The following ERC2 variants were observed in gnomAD, a reference collection of about 807,000 sequenced individuals.
ERC2 encodes ELKS/RAB6-interacting/CAST family member 2.
In ERC2, 42 loss-of-function variants were observed where a neutral mutation model predicts 114.8. The observed-to-expected ratio is 0.37, with a 90% confidence interval of 0.29 to 0.47. The LOEUF is 0.47. Among genes scored for constraint, ERC2 ranks in the 20% least tolerant of loss-of-function variants. The pLI, the probability that ERC2 is intolerant of heterozygous loss-of-function variation, is 0.99. For synonymous variants in ERC2, 454 were observed against 425.5 expected, an observed-to-expected ratio of 1.07 and a Z score of -0.82; for missense variants, 939 against 1,150.7, an observed-to-expected ratio of 0.82 and a Z score of 2.66.
intron 2 of ERC2, among the ~76,000 whole-genome samples, chr3:56,325,131 G>A (rs932696317): frequency 5.9e-5 from 9 of 151,848 alleles, no homozygotes; most frequent in African/African-American, 1.5e-4. Context: ...ATGAGGGCAG[G>A]GATTTGACTA....
intron 2 of ERC2, among the ~76,000 whole-genome samples, chr3:56,363,688 T>C (rs1485501880): frequency 6.6e-6 from 1 of 152,134 alleles, no homozygotes; most frequent in Non-Finnish European, 1.5e-5. Flanking sequence ...AAAGTCAAAT[T>C]GGGCAAAACT....
intron 3 of ERC2, among the ~76,000 whole-genome samples, chr3:56,203,969 C>A (rs2048555819): frequency 6.6e-6 from 1 of 151,884 alleles, no homozygotes; most frequent in Non-Finnish European, 1.5e-5. Flanking sequence ...ATCACGAGGT[C>A]AGGAGTTCAA....
At chr3:55,748,358 T>C (rs2066440318) in intron 14 of ERC2, among the ~76,000 whole-genome samples, 1 of 152,206 alleles carries the variant, frequency 6.6e-6, no homozygotes, top group South Asian at 2.1e-4. Context: ...ACATATTTAC[T>C]GAGTGACCAC....
intron 17 of ERC2, among the ~76,000 whole-genome samples, chr3:55,534,712 C>T (rs2053885869): frequency 6.6e-6 from 1 of 152,094 alleles, no homozygotes. Flanking sequence ...GGACCTAGTA[C>T]AGGACCTGGT....
At chr3:56,331,330 A>G (rs2057604360) in intron 2 of ERC2, among the ~76,000 whole-genome samples, 1 of 152,100 alleles carries the variant, frequency 6.6e-6, no homozygotes, top group Non-Finnish European at 1.5e-5. Context: ...AAGTCTCCTC[A>G]TAGTAATTTT....
intron 14 of ERC2, among the ~76,000 whole-genome samples, chr3:55,839,975 A>G (rs1487394684): frequency 6.6e-6 from 1 of 152,038 alleles, no homozygotes; most frequent in South Asian, 2.1e-4. Flanking sequence ...AGAAATAGGA[A>G]AAAAAGTAAA....
chr3:55,772,307 T>TAA (rs1367996023), intron 14 of ERC2, among the ~76,000 whole-genome samples: 1 of 151,608 alleles, frequency 6.6e-6, no homozygotes, highest in Non-Finnish European at 1.5e-5. Flanking sequence ...CACGCCTGGC[T>TAA]ACTTTTTGTA....
intron 7 of ERC2, among the ~76,000 whole-genome samples, chr3:56,031,546 C>T (rs2074380633): frequency 6.6e-6 from 1 of 152,220 alleles, no homozygotes; most frequent in Admixed American, 6.5e-5. Context: ...AAGGAGTCTA[C>T]TTCTTCAAAT....
At chr3:55,551,383 C>G (rs111232977) in intron 17 of ERC2, among the ~76,000 whole-genome samples, 12 of 151,858 alleles carry the variant, frequency 7.9e-5, no homozygotes, top group African/African-American at 2.7e-4. Context: ...ACTAGCCAGG[C>G]GTGGTTGTGG....
Position 55,950,578 on chromosome 3 carries a change from A to T in ERC2, c.2268-18T>A. On this transcript the variant is annotated intron_variant, in intron 12 of 17. Transcript: ENST00000288221. ...TCATATGCCTGAGAAAAGTCAGCAC[A>T]GCTTGGTTAAATTCTACCACTGGAA... is the stretch of plus-strand genomic sequence containing the variant. 1.9e-6 allele frequency: 3 copies of T among 1,613,728 alleles called. No individual in the cohort carries two copies. The highest frequency in any genetic ancestry group is 2.5e-6 in the Non-Finnish European group (3 of 1,179,788).
intron 17 of ERC2, among the ~76,000 whole-genome samples, chr3:55,551,530 C>A (rs1458431806): frequency 6.6e-6 from 1 of 151,752 alleles, no homozygotes; most frequent in African/African-American, 2.4e-5. Flanking sequence ...CTCAAAAAAA[C>A]AAAAAACAAA....
intron 15 of ERC2, among the ~76,000 whole-genome samples, chr3:55,726,413 C>T (rs1486970178): frequency 2.0e-5 from 3 of 152,220 alleles, no homozygotes; most frequent in Non-Finnish European, 2.9e-5. Context: ...GGAAGCACAA[C>T]CGTGGCTTCT....
intron 14 of ERC2, among the ~76,000 whole-genome samples, chr3:55,784,995 A>C (rs1224679571): frequency 2.0e-5 from 3 of 152,200 alleles, no homozygotes; most frequent in Non-Finnish European, 1.5e-5. Flanking sequence ...CCGAAGATGC[A>C]TGATAGAAAG....
intron 14 of ERC2, among the ~76,000 whole-genome samples, chr3:55,859,089 C>G (rs1478830595): frequency 6.6e-6 from 1 of 152,144 alleles, no homozygotes; most frequent in East Asian, 1.9e-4. Flanking sequence ...CCCTCAAATA[C>G]TCACCCCTCT....
chr3:56,335,191 G>A (rs1417290288), intron 2 of ERC2, among the ~76,000 whole-genome samples: 1 of 152,166 alleles, frequency 6.6e-6, no homozygotes, highest in Non-Finnish European at 1.5e-5. Flanking sequence ...AGCATGTCAG[G>A]TTAAGATGTG....
chr3:55,572,037 C>A (rs1404706917), intron 17 of ERC2, among the ~76,000 whole-genome samples: 1 of 152,240 alleles, frequency 6.6e-6, no homozygotes, highest in East Asian at 1.9e-4. Flanking sequence ...CTGCCACCCG[C>A]AGGGTCTGTG....
chr3:56,435,086 G>T lies in ERC2; in HGVS notation c.-79C>A. ...GGTTTGAGCTAATATTTCCACGATT[G>T]TCCAGAATTTTCACCGCATTCTTTT... is the stretch of plus-strand genomic sequence containing the variant. On this transcript the variant is annotated 5_prime_UTR_variant, in exon 2 of 18. Coordinates refer to ENST00000288221, the MANE Select transcript of ERC2 (RefSeq NM_015576.3). 1.8e-6 allele frequency: 2 copies of T among 1,133,864 alleles called. No individual in the cohort carries two copies. The highest frequency in any genetic ancestry group is 2.5e-6 in the Non-Finnish European group (2 of 816,124). 70.2% of individuals were successfully genotyped at this position (1,133,864 alleles called of 1,614,324 possible). A position where few individuals can be genotyped will look rare whatever the true frequency, so the allele number is the denominator to read the frequency against.
intron 6 of ERC2, among the ~76,000 whole-genome samples, chr3:56,118,437 C>T (rs973117064): frequency 6.6e-6 from 1 of 151,882 alleles, no homozygotes; most frequent in Non-Finnish European, 1.5e-5. Flanking sequence ...CAAAGCTCAG[C>T]TATTACAGCA....
intron 17 of ERC2, among the ~76,000 whole-genome samples, chr3:55,588,880 G>A (rs1252831021): frequency 6.6e-6 from 1 of 152,066 alleles, no homozygotes; most frequent in Non-Finnish European, 1.5e-5. Flanking sequence ...TGCCTCGAGT[G>A]TGTGGGAACA....
Sources: gnomAD v4.1 joint callset for allele counts (sites outside exome capture counted in the v4.1 genomes callset) on GRCh38, gnomAD v4.1.1 for gene constraint, MANE v1.5 for transcripts, NCBI Gene and HGNC (gene_info 2026-07-23, HGNC 2026-07-21) for gene names.